CES2: variants seen among roughly 807,000 people sequenced by gnomAD.
The protein encoded by CES2 is carboxylesterase 2.
A neutral mutation model predicts 52.1 loss-of-function variants in CES2; 42 were observed. The observed-to-expected ratio is 0.81, with a 90% CI of 0.63 to 1.04. CES2 has a LOEUF of 1.04. CES2 is among the 50% of genes least tolerant of loss of function. The pLI, the probability that CES2 is intolerant of heterozygous loss-of-function variation, is 0.00. For missense variants in CES2, 656 were observed against 724.3 expected (o/e 0.91, Z 1.08); for synonymous variants, 277 against 289.6 (o/e 0.96, Z 0.44).
At chr16:66,937,898 A>C in intron 1 of CES2, 139 bp from the exon 2 acceptor site, 2 of 700,426 alleles carry the variant, frequency 2.9e-6, no homozygotes, top group Admixed American at 2.4e-5. Context: ...TGTTACAGGC[A>C]GGAAGTTTGT....
At chr16:66,939,148 C>T in intron 2 of CES2, 69 bp from the exon 3 acceptor site, 1 of 1,425,336 alleles carries the variant, frequency 7.0e-7, no homozygotes, top group Non-Finnish European at 9.8e-7. Context: ...GCTGGGAGCA[C>T]CTCTGAACCC....
intron 2 of CES2, chr16:66,938,521 T>C (rs1963272164): frequency 2.0e-6 from 1 of 494,474 alleles, no homozygotes; most frequent in Admixed American, 3.4e-5. Flanking sequence ...AGATTCTGGT[T>C]ATGCCAAGCT....
chr16:66,935,430 A>G, upstream of CES2: 1 of 1,572,556 alleles, frequency 6.4e-7, no homozygotes, highest in African/African-American at 1.4e-5. Context: ...CTACCACTAG[A>G]TCCCCACCCA....
In CES2 at chr16:66,943,548, C is replaced by T. The variant is rs531174091; in HGVS notation, c.1493+177C>T. 124 of 655,536 alleles carry T rather than the reference C, an allele frequency of 1.9e-4. 1 individual carries two copies. Among genetic ancestry groups the T allele is most frequent in the African/African-American group, 1.8e-3 (98 of 55,366 alleles). 40.6% of individuals were successfully genotyped at this position (655,536 alleles called of 1,614,324 possible). ...GGGGGTGCGTGGGGCAGTGGACACG[C>T]TCTATCTCTCCAGTCTACCTGGAGG... is the stretch of plus-strand genomic sequence containing the variant. On this transcript the variant is annotated intron_variant, in intron 11 of 11. Transcript: ENST00000317091. The surrounding 1 kb of genome is among the most constrained non-coding windows in gnomAD (Gnocchi z 4.2).
chr16:66,938,290 G>C (rs775608065), intron 2 of CES2, 49 bp downstream of exon 2: 4 of 1,363,084 alleles, frequency 2.9e-6, no homozygotes, highest in East Asian at 2.3e-5. Flanking sequence ...GGGCAGGGGT[G>C]GGGGTGCTCT....
intron 1 of CES2, chr16:66,935,933 G>C: frequency 1.3e-5 from 19 of 1,433,738 alleles, no homozygotes; most frequent in Non-Finnish European, 1.7e-5. Context: ...CAAGGAACCA[G>C]CGGAGTACAG....
At chr16:66,941,725 G>A (rs1208853388) in intron 7 of CES2, 43 bp from the exon 8 acceptor site, 3 of 1,613,950 alleles carry the variant, frequency 1.9e-6, no homozygotes, top group African/African-American at 2.7e-5. Context: ...ATAGCTCCAG[G>A]CTCATCCCAT....
intron 1 of CES2, among the ~76,000 whole-genome samples, chr16:66,937,353 C>T (rs1482664473): frequency 2.0e-5 from 3 of 152,130 alleles, no homozygotes; most frequent in East Asian, 1.9e-4. Flanking sequence ...TTGTTGACAC[C>T]GCAGTACACA....
intron 2 of CES2, among the ~76,000 whole-genome samples, chr16:66,938,937 G>T (rs1231763767): frequency 6.6e-6 from 1 of 152,160 alleles, no homozygotes; most frequent in Non-Finnish European, 1.5e-5. Context: ...TGCAGCCAAT[G>T]GTTCTCATAG....
At position 66,940,702 on chromosome 16, in the gene CES2, G is replaced by A. The variant is rs1186771255; in HGVS notation, c.816+7G>A. The A allele has an allele frequency of 1.5e-5, 24 of 1,613,314 alleles. No homozygotes were observed. Among genetic ancestry groups the A allele is most frequent in the Non-Finnish European group, 1.9e-5 (23 of 1,179,808 alleles). ...AGCTGATGTCATCTCCACGGTGAGT[G>A]CCCTCAGCTGAAGAGGCCTAGGCCT... On this transcript the variant is annotated splice_region_variant and intron_variant, in intron 5 of 11. Transcript: ENST00000317091.
chr16:66,935,626 C>T lies in CES2; in HGVS notation c.-10C>T, dbSNP rs772000014. On this transcript the variant is annotated 5_prime_UTR_variant, in exon 1 of 12. Transcript: ENST00000317091. ...TCCGCCGGCAGCGAACCGAGACCAG[C>T]GAGCCGACCATGCGGCTGCACAGAC... 4 of 1,607,102 alleles carry T rather than the reference C, an allele frequency of 2.5e-6. No homozygotes were observed. The African/African-American group carries it at 5.3e-5, about 21-fold the overall frequency.
Position 66,935,567 on chromosome 16 carries a change from G to A in CES2, c.-69G>A, listed in dbSNP as rs72547530. On this transcript the variant is annotated 5_prime_UTR_variant, in exon 1 of 12. Transcript: ENST00000317091. ...CAAGGCACTGATCCACTGCTGGACA[G>A]ACCCGGGGCAGCCTCTGGGTGAACA... The A allele has an allele frequency of 6.2e-6, 10 of 1,613,718 alleles. No homozygotes were observed. The highest frequency in any genetic ancestry group is 8.5e-6 in the Non-Finnish European group (10 of 1,180,050).
At chr16:66,936,955 G>A (rs1236265643) in intron 1 of CES2, among the ~76,000 whole-genome samples, 1 of 151,298 alleles carries the variant, frequency 6.6e-6, no homozygotes, top group Non-Finnish European at 1.5e-5. Context: ...GCAGAGATGG[G>A]AGGATCACTT....
chr16:66,942,182 G>A lies in CES2; in HGVS notation c.1215G>A (p.Ala405=), dbSNP rs146221109. ...ATGGGGATCCCCAGACCCTCCAAGCGCAGTTCCAGGAGATGATGGCGGACT... is the reference window on the plus strand; with the variant it reads ...ATGGGGATCCCCAGACCCTCCAAGCACAGTTCCAGGAGATGATGGCGGACT... ...GDNGDPQTLQ[A]QFQEMMADSM... is the part of the protein sequence containing the mutation. Residue 405 remains alanine, a synonymous_variant, in exon 9 of 12, where the codon GCG becomes GCA. Transcript: ENST00000317091. 4.3e-5 allele frequency: 70 copies of A among 1,613,752 alleles called. No homozygotes were observed. The highest frequency in any genetic ancestry group is 5.3e-5 in the African/African-American group (4 of 74,920).
chr16:66,941,288 C>T (rs1035734232), intron 6 of CES2, 66 bp downstream of exon 6: 39 of 1,584,944 alleles, frequency 2.5e-5, no homozygotes, highest in African/African-American at 6.7e-5. Flanking sequence ...CAGGCCTGCA[C>T]GGCCGTCATA....
chr16:66,934,550 A>G (rs1427862254), upstream of CES2: 1 of 865,894 alleles, frequency 1.2e-6, no homozygotes, highest in Admixed American at 3.1e-5. This position sits in a 1 kb window ranked among gnomAD's most constrained non-coding sequence, Gnocchi z 4.1. Context: ...ACCCGGGAAC[A>G]TGATGGTCGC....
chr16:66,940,815 T>C lies in CES2; in HGVS notation c.816+120T>C, dbSNP rs561234156. 7.7e-6 allele frequency: 10 copies of C among 1,294,384 alleles called. No homozygotes were observed. In the East Asian group the frequency reaches 2.0e-4, roughly 26 times the overall value. The allele number at this position is 1,294,384 out of a possible 1,614,324, so 80.2% of individuals were successfully genotyped here. On this transcript the variant is annotated intron_variant, in intron 5 of 11. Coordinates refer to ENST00000317091, the MANE Select transcript of CES2 (RefSeq NM_001365405.1). ...GGAGCATGCTCCAGGAGCTGCTGCC[T>C]ACCGTGGAATTGCTGGGGGGCTCCA...
chr16:66,941,938 G>A, intron 8 of CES2, 90 bp downstream of exon 8: 1 of 1,582,850 alleles, frequency 6.3e-7, no homozygotes, highest in Non-Finnish European at 8.6e-7. Context: ...CCCTTCCTAT[G>A]TAGTGACCCC....
intron 3 of CES2, among the ~76,000 whole-genome samples, chr16:66,939,560 G>A (rs1963306578): frequency 6.6e-6 from 1 of 152,264 alleles, no homozygotes; most frequent in Non-Finnish European, 1.5e-5. Flanking sequence ...TGCTCCCAGA[G>A]GTCAAAGGCT....
Sources: allele counts gnomAD v4.1 joint callset (sites outside exome capture counted in the v4.1 genomes callset), GRCh38; gene constraint gnomAD v4.1.1; non-coding constraint Gnocchi (gnomAD v3.1); transcripts MANE v1.5; gene names NCBI Gene and HGNC (gene_info 2026-07-23, HGNC 2026-07-21).